Variants in PRICKLE4 observed in about 807,000 individuals in gnomAD.
PRICKLE4 encodes prickle planar cell polarity protein 4, also known as prickle-like protein 4.
Under a neutral mutation model 43.5 loss-of-function variants are expected in PRICKLE4, and 40 were observed. That is an observed-to-expected ratio of 0.92 (90% CI 0.71 to 1.20). The LOEUF (loss-of-function observed/expected upper bound fraction) is 1.20. Among genes scored for constraint, PRICKLE4 ranks in the 50% most tolerant of loss-of-function variants. The probability of loss-of-function intolerance (pLI) is 0.00; values close to 1 mark genes in which losing one functional copy is unlikely to be tolerated. For missense variants in PRICKLE4, 527 were observed against 491.2 expected, an observed-to-expected ratio of 1.07 and a Z score of -0.69; for synonymous variants, 208 against 197.4, an observed-to-expected ratio of 1.05 and a Z score of -0.45.
intron 6 of PRICKLE4, among the ~76,000 whole-genome samples, chr6:41,785,871 A>AT (rs2127307238): frequency 6.6e-6 from 1 of 152,258 alleles, no homozygotes; most frequent in Non-Finnish European, 1.5e-5. Flanking sequence ...AATTCCCTTG[A>AT]TGTCAGCATA....
In PRICKLE4 at chr6:41,787,190, A is replaced by C. The variant is rs1210686740; in HGVS notation, c.*61A>C. ...AAGGGGTCTGTAAAGCGGGAGAACA[A>C]GGCTAGCCTCCCCCTAACAATCCTA... On this transcript the variant is annotated 3_prime_UTR_variant, in exon 8 of 8. Transcript: ENST00000458694. 6.6e-7 allele frequency: 1 copy of C among 1,517,404 alleles called. No homozygotes were observed. Among genetic ancestry groups the C allele is most frequent in the Non-Finnish European group, 8.8e-7 (1 of 1,141,642 alleles). 94.0% of individuals were successfully genotyped at this position (1,517,404 alleles called of 1,614,324 possible).
chr6:41,785,917 C>A (rs1480231408), intron 6 of PRICKLE4, among the ~76,000 whole-genome samples: 1 of 152,190 alleles, frequency 6.6e-6, no homozygotes, highest in African/African-American at 2.4e-5. Context: ...GGAGTCCAGA[C>A]CCCCAGGTCG....
chr6:41,783,678 A>T (rs1389331640), intron 3 of PRICKLE4, 73 bp downstream of exon 3: 1 of 1,607,454 alleles, frequency 6.2e-7, no homozygotes. Flanking sequence ...TTTTCCACCA[A>T]CCCGGAGGTA....
At chr6:41,786,677 G>A (rs200706717) in intron 7 of PRICKLE4, 85 bp from the exon 8 acceptor site, 22,665 of 1,595,002 alleles carry the variant, frequency 0.014, 203 homozygotes, top group Non-Finnish European at 0.017. Context: ...GGCGGGGCGG[G>A]AGGCTGGGCC....
rs1377186716 is a variant in PRICKLE4, at chr6:41,785,011, C to A, written c.317C>A (p.Ala106Asp). 10 of 1,613,778 alleles carry A rather than the reference C, an allele frequency of 6.2e-6. No individual in the cohort carries two copies. In the South Asian group the frequency reaches 1.1e-4, roughly 18 times the overall value. ...QLFCARRKQE[A>D]LGQGVARLVL... ...TTCTGTGCCAGGCGGAAGCAGGAAG[C>A]CCTGGGACAGGGGGTAGCCCGCCTG... Residue 106 changes from alanine (A) to aspartate (D), a missense_variant, in exon 5 of 8, where the codon GCC (alanine) becomes GAC (aspartate). Transcript: ENST00000458694.
chr6:41,781,955 T>C (rs904709509), intron 2 of PRICKLE4, among the ~76,000 whole-genome samples: 3 of 152,186 alleles, frequency 2.0e-5, no homozygotes, highest in African/African-American at 7.2e-5. Context: ...CCAGGGTTTT[T>C]GTATGTCTGT....
Position 41,785,528 on chromosome 6 carries a change from G to A in PRICKLE4, c.570G>A (p.Pro190=), listed in dbSNP as rs374448542. 13 of 1,612,798 alleles carry A rather than the reference G, an allele frequency of 8.1e-6. No individual in the cohort carries two copies. Among genetic ancestry groups the A allele is most frequent in the Non-Finnish European group, 1.1e-5 (13 of 1,179,982 alleles). The change falls in exon 6 of 8, where the codon CCG becomes CCA. Residue 190 remains proline (P), a synonymous_variant. Transcript: ENST00000458694. ...CAGAGTTGCTGCGCCCGCGCTGCCC[G>A]GCTTGTGACCAGGTACAGCCTGGAG... The part of the protein sequence containing the change: ...HHAELLRPRC[P]ACDQLIFSWR...
At chr6:41,783,929 T>G (rs984141790) in intron 3 of PRICKLE4, 1 of 692,932 alleles carries the variant, frequency 1.4e-6, no homozygotes, top group Non-Finnish European at 2.6e-6. Context: ...CTCCCCAGCC[T>G]CCCTCAAGGA....
At chr6:41,786,658 C>G (rs957133257) in intron 7 of PRICKLE4, 104 bp from the exon 8 acceptor site, 1 of 1,569,732 alleles carries the variant, frequency 6.4e-7, no homozygotes, top group East Asian at 2.3e-5. Context: ...GCGCACGGCC[C>G]AGGGGCTGGG....
At chr6:41,786,579 G>A (rs1369265027) in intron 7 of PRICKLE4, 183 bp from the exon 8 acceptor site, 1 of 1,147,030 alleles carries the variant, frequency 8.7e-7, no homozygotes, top group Non-Finnish European at 1.2e-6. Flanking sequence ...TCCCTCCCAG[G>A]CGCGGGAGGC....
At chr6:41,783,346 C>G (rs1772582767) in intron 2 of PRICKLE4, 116 bp from the exon 3 acceptor site, 1 of 1,112,262 alleles carries the variant, frequency 9.0e-7, no homozygotes, top group Admixed American at 3.3e-5. Context: ...ATAATGCTAC[C>G]TAAGTCGTTT....
At chr6:41,783,796 TA>T in intron 3 of PRICKLE4, 191 bp downstream of exon 3, 1 of 842,754 alleles carries the variant, frequency 1.2e-6, no homozygotes, top group Non-Finnish European at 2.0e-6. Flanking sequence ...TTCACATGAG[TA>T]TTCATTATCT....
rs1772647299 is a variant in PRICKLE4 at position 41,786,331 on chromosome 6, T to C, written c.786T>C (p.Leu262=). 1.9e-6 allele frequency: 3 copies of C among 1,557,556 alleles called. No homozygotes were observed. In the East Asian group the frequency reaches 6.8e-5, roughly 35 times the overall value. Residue 262 remains leucine (L), a splice_region_variant and synonymous_variant, in exon 7 of 8, where the codon CTT becomes CTC. Transcript: ENST00000458694. ...WAGALEGQAF[L]GETGLDRTEG... ...GGGCACTGGAAGGGCAGGCATTCCT[T>C]GGTAAGGGAGAGGATGCAGAGCAAA...
chr6:41,784,801 G>A (rs1772612537), intron 4 of PRICKLE4, 134 bp from the exon 5 acceptor site: 2 of 1,147,326 alleles, frequency 1.7e-6, no homozygotes, highest in Admixed American at 2.3e-5. Context: ...CCTCTTCTAT[G>A]CCATTATCTC....
At chr6:41,784,855 C>T in intron 4 of PRICKLE4, 80 bp from the exon 5 acceptor site, 1 of 1,570,618 alleles carries the variant, frequency 6.4e-7, no homozygotes, top group South Asian at 1.1e-5. Flanking sequence ...GACCCAGCAG[C>T]CAAGCCCTTT....
rs1192461576 is a variant in PRICKLE4, at chr6:41,786,071, T to G, written c.583-57T>G. Reference sequence around the variant, plus strand: ...CTGGGTAAAAGGCGTGGTTACTGGATGAATGAATGAGGGAATGAATGAATG... The same window carrying G: ...CTGGGTAAAAGGCGTGGTTACTGGAGGAATGAATGAGGGAATGAATGAATG... On this transcript the variant is annotated intron_variant, in intron 6 of 7. Coordinates refer to ENST00000458694, the MANE Select transcript of PRICKLE4 (RefSeq NM_013397.6). The G allele has an allele frequency of 7.1e-6, 11 of 1,542,506 alleles. No individual in the cohort carries two copies. In the East Asian group the frequency reaches 2.5e-4, roughly 35 times the overall value.
At chr6:41,783,659 T>C (rs1772588692) in intron 3 of PRICKLE4, 54 bp downstream of exon 3, 2 of 1,613,658 alleles carry the variant, frequency 1.2e-6, no homozygotes, top group Non-Finnish European at 1.7e-6. Context: ...TCCTGTGGAG[T>C]GGCCACCCTT....
chr6:41,783,985 G>C (rs1772596965), intron 3 of PRICKLE4, 146 bp from the exon 4 acceptor site: 5 of 673,574 alleles, frequency 7.4e-6, no homozygotes, highest in Non-Finnish European at 1.3e-5. Context: ...CACTCAGTGA[G>C]GATCTGCAAG....
At chr6:41,782,823 T>G (rs1277094507) in intron 2 of PRICKLE4, among the ~76,000 whole-genome samples, 1 of 152,208 alleles carries the variant, frequency 6.6e-6, no homozygotes, top group Non-Finnish European at 1.5e-5. Context: ...CCTCTGTCTT[T>G]GAGGAACTTA....
Sources: allele counts gnomAD v4.1 joint callset (sites outside exome capture counted in the v4.1 genomes callset), GRCh38; gene constraint gnomAD v4.1.1; transcripts MANE v1.5; gene names NCBI Gene and HGNC (gene_info 2026-07-23, HGNC 2026-07-21).